The following CDK17 variants were observed in gnomAD, a reference collection of about 807,000 sequenced individuals.
The protein encoded by CDK17 is cyclin-dependent kinase 17.
CDK17 carries 24 observed loss-of-function variants against 77.6 expected under a neutral mutation model. The observed-to-expected ratio is 0.31, with a 90% CI of 0.22 to 0.44. CDK17 has a LOEUF of 0.44. CDK17 is among the 20% of genes least tolerant of loss of function. CDK17 has a pLI of 1.00. For missense variants in CDK17, 429 were observed against 622.5 expected, an observed-to-expected ratio of 0.69 and a Z score of 3.31; for synonymous variants, 203 against 210.4, an observed-to-expected ratio of 0.96 and a Z score of 0.30.
At chr12:96,304,057 T>G (rs927558783) in intron 5 of CDK17, among the ~76,000 whole-genome samples, 13 of 152,182 alleles carry the variant, frequency 8.5e-5, no homozygotes, top group Admixed American at 2.6e-4. Context: ...GTAATAAAAG[T>G]TACGTGAATG....
intron 15 of CDK17, chr12:96,281,872 T>A (rs1459750447): frequency 6.6e-6 from 1 of 152,230 alleles, no homozygotes; most frequent in Non-Finnish European, 1.5e-5. Context: ...AGGAAATTAA[T>A]GAAAGCTTTT....
chr12:96,306,325 T>G (rs1400781499), intron 5 of CDK17, among the ~76,000 whole-genome samples: 1 of 152,042 alleles, frequency 6.6e-6, no homozygotes, highest in Non-Finnish European at 1.5e-5. Flanking sequence ...TCAGTGATTT[T>G]GGAGGCCAAA....
intron 9 of CDK17, among the ~76,000 whole-genome samples, chr12:96,295,565 G>A (rs1952392907): frequency 6.6e-6 from 1 of 151,872 alleles, no homozygotes; most frequent in African/African-American, 2.4e-5. Context: ...ACTCTGATCT[G>A]GGGCAGTGTC....
chr12:96,295,556 C>T (rs981531326), intron 9 of CDK17, among the ~76,000 whole-genome samples: 1 of 151,146 alleles, frequency 6.6e-6, no homozygotes, highest in African/African-American at 2.4e-5. Flanking sequence ...AAAACAAAAA[C>T]TCTGATCTGG....
Position 96,324,105 on chromosome 12 carries a change from A to G in CDK17, c.126T>C (p.Ile42=). ...EENSSKDNEP[I]VKNGRPPTSH... is the part of the protein sequence containing the mutation. ...ACGTTGGAGGCCTGCCATTCTTCAC[A>G]ATAGGCTCTGTGGTTCATAGAATTC... The change falls in exon 3 of 17, where the codon ATT becomes ATC. Residue 42 remains isoleucine (I), a synonymous_variant. Transcript: ENST00000261211. The G allele has an allele frequency of 6.2e-7, 1 of 1,607,800 alleles. No homozygotes were observed. Among genetic ancestry groups the G allele is most frequent in the Non-Finnish European group, 8.5e-7 (1 of 1,177,010 alleles).
chr12:96,378,073 C>T (rs1289891094), intron 1 of CDK17, among the ~76,000 whole-genome samples: 2 of 152,182 alleles, frequency 1.3e-5, no homozygotes, highest in African/African-American at 4.8e-5. Context: ...TTAAACCACA[C>T]ACTCAGTTTC....
intron 2 of CDK17, among the ~76,000 whole-genome samples, chr12:96,325,651 G>C (rs540107833): frequency 6.6e-6 from 1 of 152,346 alleles, no homozygotes; most frequent in East Asian, 1.9e-4. Context: ...CAGACTGGAG[G>C]TAGGGGCAAA....
chr12:96,399,240 C>G (rs1954219201), intron 1 of CDK17: 1 of 152,330 alleles, frequency 6.6e-6, no homozygotes, highest in African/African-American at 2.4e-5. Context: ...GCATCGGGCA[C>G]AAAAATGCTG....
intron 1 of CDK17, among the ~76,000 whole-genome samples, chr12:96,363,803 C>T (rs183501048): frequency 1.5e-4 from 23 of 151,886 alleles, no homozygotes; most frequent in Admixed American, 8.5e-4. Flanking sequence ...CGAGCTGAGA[C>T]ATGCCACTGC....
chr12:96,302,890 T>TGCAG (rs1398820469), intron 5 of CDK17, among the ~76,000 whole-genome samples: 2 of 152,188 alleles, frequency 1.3e-5, no homozygotes, highest in Non-Finnish European at 2.9e-5. Context: ...ATTCCACCCA[T>TGCAG]GCAGGCAGGC....
chr12:96,343,615 A>C (rs370149745), intron 1 of CDK17, among the ~76,000 whole-genome samples: 11 of 152,250 alleles, frequency 7.2e-5, no homozygotes, highest in African/African-American at 2.7e-4. Context: ...CAGGTCACTG[A>C]CTTACTACAG....
chr12:96,367,379 T>A (rs1488426053), intron 1 of CDK17, among the ~76,000 whole-genome samples: 2 of 145,012 alleles, frequency 1.4e-5, no homozygotes, highest in Non-Finnish European at 3.0e-5. Flanking sequence ...AAAGAAATCT[T>A]ATAAAGTAAA....
At chr12:96,348,653 T>C (rs1195443119) in intron 1 of CDK17, among the ~76,000 whole-genome samples, 2 of 151,474 alleles carry the variant, frequency 1.3e-5, no homozygotes, top group East Asian at 1.9e-4. Flanking sequence ...CTACCAATTA[T>C]ACAGAAATAA....
chr12:96,339,463 C>T (rs1171289849), intron 1 of CDK17, among the ~76,000 whole-genome samples: 1 of 151,358 alleles, frequency 6.6e-6, no homozygotes, highest in Non-Finnish European at 1.5e-5. Context: ...GTGATAGATG[C>T]AGAACAATAT....
At chr12:96,367,543 G>T (rs568792410) in intron 1 of CDK17, among the ~76,000 whole-genome samples, 1 of 152,060 alleles carries the variant, frequency 6.6e-6, no homozygotes, top group South Asian at 2.1e-4. Context: ...ATTACTCTCA[G>T]TTATGAATGG....
rs752684063 is a variant in CDK17 at position 96,286,077 on chromosome 12, A to G, written c.1288T>C (p.Tyr430His). 7 of 1,561,732 alleles carry G rather than the reference A, an allele frequency of 4.5e-6. No homozygotes were observed. The highest frequency in any genetic ancestry group is 3.5e-6 in the Non-Finnish European group (4 of 1,151,036). The change falls in exon 13 of 17, where the codon TAT (tyrosine) becomes CAT (histidine). Residue 430 changes from tyrosine to histidine, a missense_variant. By Grantham distance (83) the Tyr-to-His change is moderately conservative. Transcript: ENST00000261211. ...EEFKNYNFPK[Y>H]KPQPLINHAP... ...TGGTTAATTAGAGGCTGTGGTTTATATTTTGGAAAGTTGTAGTTCTTGAAC... is the reference window on the plus strand; with the variant it reads ...TGGTTAATTAGAGGCTGTGGTTTATGTTTTGGAAAGTTGTAGTTCTTGAAC...
intron 1 of CDK17, among the ~76,000 whole-genome samples, chr12:96,397,952 G>A (rs1485381246): frequency 6.6e-6 from 1 of 152,128 alleles, no homozygotes; most frequent in Non-Finnish European, 1.5e-5. Flanking sequence ...ACCCTTTAAC[G>A]GCAGTGAGCA....
chr12:96,323,295 C>G (rs1235141942), intron 3 of CDK17, among the ~76,000 whole-genome samples: 1 of 130,742 alleles, frequency 7.6e-6, no homozygotes, highest in Non-Finnish European at 1.6e-5. Flanking sequence ...CAAAAACAAA[C>G]AAACAAACAA....
At chr12:96,324,808 A>C (rs1952871902) in intron 2 of CDK17, among the ~76,000 whole-genome samples, 1 of 152,078 alleles carries the variant, frequency 6.6e-6, no homozygotes, top group South Asian at 2.1e-4. Flanking sequence ...TTTAGAATAT[A>C]AAAGACATGG....
Sources: gnomAD v4.1 joint callset for allele counts (sites outside exome capture counted in the v4.1 genomes callset) on GRCh38, gnomAD v4.1.1 for gene constraint, MANE v1.5 for transcripts, NCBI Gene and HGNC (gene_info 2026-07-23, HGNC 2026-07-21) for gene names.